Variants in CCSER2 observed in about 807,000 individuals in gnomAD.
CCSER2 encodes serine-rich coiled-coil domain-containing protein 2.
CCSER2 carries 46 observed loss-of-function variants against 92.3 expected under a neutral mutation model. That is an observed-to-expected ratio of 0.50 (90% confidence interval 0.39 to 0.64). The LOEUF is 0.64. CCSER2 is among the 30% of genes least tolerant of loss of function. CCSER2 has a pLI of 0.00. For synonymous variants in CCSER2, 433 were observed against 431.4 expected, an observed-to-expected ratio of 1.00 and a Z score of -0.04; for missense variants, 1,244 against 1,238.9, an observed-to-expected ratio of 1.00 and a Z score of -0.06.
In CCSER2 at chr10:84,373,789, T is replaced by C. The variant is rs1379911789; in HGVS notation, c.1588T>C (p.Tyr530His). 6.2e-7 allele frequency: 1 copy of C among 1,613,716 alleles called. No individual in the cohort carries two copies. The highest frequency in any genetic ancestry group is 1.7e-5 in the Admixed American group (1 of 59,990). ...TGGAAATGTCCATCCAGTTGGGAGCTATGAGTCCTCTGAAATGAACAGCAT... is the reference window on the plus strand; with the variant it reads ...TGGAAATGTCCATCCAGTTGGGAGCCATGAGTCCTCTGAAATGAACAGCAT... ...PIGNVHPVGSYESSEMNSIDI... is the reference protein window; with the variant it reads ...PIGNVHPVGSHESSEMNSIDI... The change falls in exon 3 of 10, where the codon TAT (tyrosine) becomes CAT (histidine). Residue 530 changes from tyrosine (Y) to histidine (H), a missense_variant. Transcript: ENST00000372088.
At chr10:84,430,512 A>G (rs1843706793) in intron 5 of CCSER2, among the ~76,000 whole-genome samples, 1 of 152,212 alleles carries the variant, frequency 6.6e-6, no homozygotes, top group Non-Finnish European at 1.5e-5. Context: ...ATCAGCTCAA[A>G]CCAACTCCTG....
chr10:84,463,272 A>G (rs1396925849), intron 6 of CCSER2, among the ~76,000 whole-genome samples: 2 of 152,184 alleles, frequency 1.3e-5, no homozygotes, highest in Non-Finnish European at 2.9e-5. Flanking sequence ...GTACAGCTCA[A>G]GCTTTTCATA....
At chr10:84,396,217 GTGTA>G (rs1421994157) in intron 3 of CCSER2, among the ~76,000 whole-genome samples, 1 of 143,286 alleles carries the variant, frequency 7.0e-6, no homozygotes, top group Non-Finnish European at 1.5e-5. Context: ...GTGTGTGTGT[GTGTA>G]TAAGGATTAT....
intron 3 of CCSER2, chr10:84,391,056 A>C: frequency 3.9e-6 from 3 of 778,342 alleles, no homozygotes. Flanking sequence ...GACATCATTC[A>C]AACAAACCAG....
At chr10:84,354,073 C>T (rs1285686201) in intron 1 of CCSER2, among the ~76,000 whole-genome samples, 1 of 152,004 alleles carries the variant, frequency 6.6e-6, no homozygotes, top group African/African-American at 2.4e-5. Context: ...GTTGCACACA[C>T]CTGTAGTCCC....
At chr10:84,400,863 G>A (rs1842082081) in intron 3 of CCSER2, among the ~76,000 whole-genome samples, 1 of 151,916 alleles carries the variant, frequency 6.6e-6, no homozygotes, top group Non-Finnish European at 1.5e-5. Flanking sequence ...GCAATGAGTG[G>A]AGATCGTGCC....
intron 6 of CCSER2, among the ~76,000 whole-genome samples, chr10:84,447,730 A>T (rs1263118839): frequency 1.3e-5 from 2 of 152,196 alleles, no homozygotes; most frequent in Non-Finnish European, 2.9e-5. Flanking sequence ...TATGAGGTAG[A>T]GGTCCACTTT....
chr10:84,372,672 A>T (rs1245169426), intron 2 of CCSER2, among the ~76,000 whole-genome samples: 2 of 152,124 alleles, frequency 1.3e-5, no homozygotes, highest in African/African-American at 4.8e-5. Flanking sequence ...AGACAATATT[A>T]ATAAAACCAC....
chr10:84,367,688 T>A (rs1845850112), intron 1 of CCSER2, among the ~76,000 whole-genome samples: 1 of 151,364 alleles, frequency 6.6e-6, no homozygotes, highest in South Asian at 2.1e-4. Context: ...TTTGTTTAAG[T>A]CTTTGCTTCT....
chr10:84,398,389 A>G (rs2133299721), intron 3 of CCSER2, among the ~76,000 whole-genome samples: 1 of 152,272 alleles, frequency 6.6e-6, no homozygotes, highest in Middle Eastern at 3.4e-3. Flanking sequence ...GTAAGCTATC[A>G]TATTTACAGG....
chr10:84,468,647 G>C (rs1402876865), intron 7 of CCSER2, among the ~76,000 whole-genome samples: 1 of 152,162 alleles, frequency 6.6e-6, no homozygotes, highest in East Asian at 1.9e-4. Context: ...ACTGGTGACT[G>C]CATGAATGAT....
At chr10:84,497,423 G>A (rs912440718) in intron 9 of CCSER2, among the ~76,000 whole-genome samples, 3 of 152,186 alleles carry the variant, frequency 2.0e-5, no homozygotes, top group Admixed American at 6.5e-5. Flanking sequence ...CGCTGTTTAT[G>A]TATTTATTTC....
chr10:84,413,573 A>G (rs1035936361), intron 3 of CCSER2, among the ~76,000 whole-genome samples: 5 of 152,134 alleles, frequency 3.3e-5, no homozygotes, highest in Non-Finnish European at 7.3e-5. Context: ...TATGTGATCA[A>G]TTTTGGAGTA....
At chr10:84,343,325 T>C (rs1204234894) in intron 1 of CCSER2, among the ~76,000 whole-genome samples, 1 of 152,222 alleles carries the variant, frequency 6.6e-6, no homozygotes, top group East Asian at 1.9e-4. Context: ...TCTCTCATTT[T>C]CCATTTGTTG....
At chr10:84,356,314 G>A (rs1379246264) in intron 1 of CCSER2, among the ~76,000 whole-genome samples, 17 of 151,846 alleles carry the variant, frequency 1.1e-4, no homozygotes, top group Admixed American at 1.1e-3. Flanking sequence ...TCTCAGTGTC[G>A]GTACTCGGGA....
intron 6 of CCSER2, among the ~76,000 whole-genome samples, chr10:84,446,461 G>A (rs1844922559): frequency 6.6e-6 from 1 of 152,104 alleles, no homozygotes; most frequent in South Asian, 2.1e-4. Flanking sequence ...AATGTTAGTG[G>A]CATCATCCTA....
chr10:84,507,763 T>C (rs1589840322), intron 9 of CCSER2, among the ~76,000 whole-genome samples: 1 of 152,320 alleles, frequency 6.6e-6, no homozygotes, highest in African/African-American at 2.4e-5. Context: ...AAAGGTGAAC[T>C]GTTTTGCTCA....
At chr10:84,494,035 C>G (rs545904742) in intron 9 of CCSER2, among the ~76,000 whole-genome samples, 1 of 152,280 alleles carries the variant, frequency 6.6e-6, no homozygotes, top group South Asian at 2.1e-4. Context: ...GAATCTAATG[C>G]TGCTGCTGAT....
chr10:84,494,228 C>T (rs1413109297), intron 9 of CCSER2, among the ~76,000 whole-genome samples: 2 of 152,156 alleles, frequency 1.3e-5, no homozygotes, highest in African/African-American at 4.8e-5. Context: ...GGGTAACTTC[C>T]AGACATTCCG....
Sources: allele counts gnomAD v4.1 joint callset (sites outside exome capture counted in the v4.1 genomes callset), GRCh38; gene constraint gnomAD v4.1.1; transcripts MANE v1.5; gene names NCBI Gene and HGNC (gene_info 2026-07-23, HGNC 2026-07-21).